The following SCAPER variants were observed in gnomAD, a reference collection of about 807,000 sequenced individuals.
The protein encoded by SCAPER is S phase cyclin A-associated protein in the endoplasmic reticulum.
In SCAPER, 98 loss-of-function variants were observed where a neutral mutation model predicts 182.2. The ratio of observed to expected loss-of-function variants is 0.54; its 90% confidence interval spans 0.46 to 0.64. The LOEUF is 0.64. Among genes scored for constraint, SCAPER ranks in the 30% least tolerant of loss-of-function variants. The pLI is 0.00. For synonymous variants in SCAPER, 605 were observed against 564.6 expected, an observed-to-expected ratio of 1.07 and a Z score of -1.01; for missense variants, 1,432 against 1,690.0, an observed-to-expected ratio of 0.85 and a Z score of 2.68.
At chr15:76,636,811 A>G (rs891543143) in intron 21 of SCAPER, among the ~76,000 whole-genome samples, 1 of 152,162 alleles carries the variant, frequency 6.6e-6, no homozygotes, top group African/African-American at 2.4e-5. Context: ...GAGTTCCAAA[A>G]AAATTGGTTC....
At chr15:76,597,078 A>G (rs558752509) in intron 22 of SCAPER, among the ~76,000 whole-genome samples, 2 of 122,044 alleles carry the variant, frequency 1.6e-5, no homozygotes, top group Admixed American at 9.3e-5. Flanking sequence ...TAAGCCCCAA[A>G]TCTCCTTAAG....
intron 27 of SCAPER, among the ~76,000 whole-genome samples, chr15:76,392,310 T>C (rs919113942): frequency 6.6e-6 from 1 of 152,162 alleles, no homozygotes; most frequent in African/African-American, 2.4e-5. Flanking sequence ...TACAAGAATA[T>C]GTAAAAAATA....
chr15:76,377,680 G>T lies in SCAPER; in HGVS notation c.3706-1369C>A, dbSNP rs186991230. 9.7e-4 allele frequency among the ~76,000 whole-genome samples: 148 copies of T among 152,300 alleles called. 1 individual carries two copies. In the Middle Eastern group the frequency reaches 0.014, roughly 14 times the overall value. ...AATTCAGAGTGAAATCAGACTCTTT[G>T]CTGAAGAGGGAAAAATATTTTGACA... On this transcript the variant is annotated intron_variant, in intron 28 of 31. Coordinates refer to ENST00000563290, the MANE Select transcript of SCAPER (RefSeq NM_020843.4).
At chr15:76,757,204 TTG>T (rs945101365) in intron 14 of SCAPER, among the ~76,000 whole-genome samples, 11 of 152,208 alleles carry the variant, frequency 7.2e-5, no homozygotes, top group African/African-American at 2.7e-4. Context: ...AGTCATGATG[TTG>T]TACATTACCT....
intron 21 of SCAPER, among the ~76,000 whole-genome samples, chr15:76,627,756 G>C (rs144900459): frequency 3.9e-5 from 6 of 152,002 alleles, no homozygotes; most frequent in African/African-American, 1.4e-4. Context: ...ATGAACATAC[G>C]CACACATGTA....
chr15:76,750,357 C>T (rs2062018809), intron 15 of SCAPER, among the ~76,000 whole-genome samples: 1 of 151,778 alleles, frequency 6.6e-6, no homozygotes, highest in African/African-American at 2.4e-5. Context: ...TTCTATCAAA[C>T]ACTTAAAGAA....
chr15:76,872,868 G>A (rs2072825757), intron 2 of SCAPER, among the ~76,000 whole-genome samples: 1 of 151,926 alleles, frequency 6.6e-6, no homozygotes, highest in African/African-American at 2.4e-5. Context: ...AAAGGTGGAA[G>A]GGGAGTAAAC....
intron 28 of SCAPER, 56 bp downstream of exon 28, chr15:76,381,322 A>G: frequency 7.0e-7 from 1 of 1,435,106 alleles, no homozygotes; most frequent in African/African-American, 1.4e-5. Flanking sequence ...CATCCTATCT[A>G]CACTAAAATA....
rs530184713 is a variant in SCAPER, at chr15:76,694,036, G to T, written c.2508+7722C>A. Among the ~76,000 whole-genome samples, 7 of 151,590 alleles carry T rather than the reference G, an allele frequency of 4.6e-5. No homozygotes were observed. In the South Asian group the frequency reaches 1.5e-3, roughly 31 times the overall value. Reference sequence around the variant, plus strand: ...GAAATCAGGAAGTGTAATGCCTCCAGCTTTGTTTTTTCTCAGGATTGCTGT... The same window carrying T: ...GAAATCAGGAAGTGTAATGCCTCCATCTTTGTTTTTTCTCAGGATTGCTGT... On this transcript the variant is annotated intron_variant, in intron 20 of 31. Coordinates refer to ENST00000563290, the MANE Select transcript of SCAPER (RefSeq NM_020843.4).
At chr15:76,658,659 A>G (rs898574595) in intron 21 of SCAPER, among the ~76,000 whole-genome samples, 1 of 152,128 alleles carries the variant, frequency 6.6e-6, no homozygotes, top group Non-Finnish European at 1.5e-5. Context: ...ACATTACCCA[A>G]CTTCATACTA....
At chr15:76,546,440 T>G (rs1567415329) in intron 23 of SCAPER, among the ~76,000 whole-genome samples, 1 of 152,120 alleles carries the variant, frequency 6.6e-6, no homozygotes, top group Admixed American at 6.5e-5. Flanking sequence ...TCCTCCCACC[T>G]TGGCCTCCCA....
rs1253987532 is a variant in SCAPER, at chr15:76,862,429, G to A, written c.111C>T (p.Ser37=). The A allele has an allele frequency of 3.1e-6, 5 of 1,602,092 alleles. No individual in the cohort carries two copies. Among genetic ancestry groups the A allele is most frequent in the Middle Eastern group, 1.7e-4 (1 of 6,034 alleles). ...TTAAATACATACCATCATCATCTTTGCTTTCTAGTGGAACACTCCAAGCTA... is the reference window on the plus strand; with the variant it reads ...TTAAATACATACCATCATCATCTTTACTTTCTAGTGGAACACTCCAAGCTA... ...NLIAWSVPLE[S]KDDDGKPKCQ... Residue 37 remains serine, a synonymous_variant, in exon 3 of 32, where the codon AGC becomes AGT. Coordinates refer to ENST00000563290, the MANE Select transcript of SCAPER (RefSeq NM_020843.4).
chr15:76,610,505 T>C (rs572713324), intron 22 of SCAPER, among the ~76,000 whole-genome samples: 1 of 152,256 alleles, frequency 6.6e-6, no homozygotes, highest in South Asian at 2.1e-4. Context: ...TGACTGGATA[T>C]GACAAAATCA....
intron 15 of SCAPER, among the ~76,000 whole-genome samples, chr15:76,752,397 T>C (rs1280575984): frequency 6.6e-6 from 1 of 151,772 alleles, no homozygotes; most frequent in Non-Finnish European, 1.5e-5. Context: ...CCCAAAAGAA[T>C]TCAAAGCAGG....
intron 16 of SCAPER, among the ~76,000 whole-genome samples, chr15:76,729,934 C>G (rs1467562590): frequency 6.6e-6 from 1 of 152,028 alleles, no homozygotes; most frequent in Admixed American, 6.6e-5. Flanking sequence ...CACAACCTCT[C>G]GGTAGCCTCT....
chr15:76,779,920 A>G (rs1164512648), intron 8 of SCAPER, among the ~76,000 whole-genome samples: 1 of 152,184 alleles, frequency 6.6e-6, no homozygotes, highest in African/African-American at 2.4e-5. Flanking sequence ...TTCGACCAAC[A>G]TGGGTGAATA....
At chr15:76,368,381 T>G (rs1011579017) in intron 29 of SCAPER, among the ~76,000 whole-genome samples, 3 of 152,262 alleles carry the variant, frequency 2.0e-5, no homozygotes, top group Admixed American at 2.0e-4. Context: ...CTTATTTCTG[T>G]GCGTGGGGAA....
At chr15:76,782,840 A>G (rs2064259146) in intron 8 of SCAPER, among the ~76,000 whole-genome samples, 1 of 152,186 alleles carries the variant, frequency 6.6e-6, no homozygotes, top group Non-Finnish European at 1.5e-5. Context: ...CAAGCAGAAC[A>G]AAGACACGAC....
chr15:76,677,646 T>C (rs1255947935), intron 20 of SCAPER, among the ~76,000 whole-genome samples: 1 of 151,464 alleles, frequency 6.6e-6, no homozygotes, highest in African/African-American at 2.4e-5. Flanking sequence ...ATAATAATAA[T>C]GTACATAAAG....
Sources: gnomAD v4.1 joint callset for allele counts (sites outside exome capture counted in the v4.1 genomes callset) on GRCh38, gnomAD v4.1.1 for gene constraint, MANE v1.5 for transcripts, NCBI Gene and HGNC (gene_info 2026-07-23, HGNC 2026-07-21) for gene names.